The following CPNE4 variants were observed in gnomAD, a reference collection of about 807,000 sequenced individuals.
CPNE4 encodes the protein copine-4.
In CPNE4, 25 loss-of-function variants were observed where a neutral mutation model predicts 67.9. The ratio of observed to expected loss-of-function variants is 0.37; its 90% confidence interval spans 0.27 to 0.51. The LOEUF is 0.51. CPNE4 is among the 20% of genes least tolerant of loss of function. The probability of loss-of-function intolerance (pLI) is 0.93; values close to 1 mark genes in which losing one functional copy is unlikely to be tolerated. For synonymous variants in CPNE4, 242 were observed against 244.9 expected (o/e 0.99, Z 0.11); for missense variants, 464 against 690.8 (o/e 0.67, Z 3.68).
At chr3:131,541,634 T>G (rs913716504) in intron 15 of CPNE4, among the ~76,000 whole-genome samples, 4 of 151,834 alleles carry the variant, frequency 2.6e-5, no homozygotes, top group African/African-American at 9.7e-5. Context: ...CTTAGCAAAC[T>G]TATTCAGCAT....
Position 131,696,624 on chromosome 3 carries a change from A to G in CPNE4, c.433-8T>C. 1 of 1,613,392 alleles carries G rather than the reference A, an allele frequency of 6.2e-7. No homozygotes were observed. The highest frequency in any genetic ancestry group is 1.1e-5 in the South Asian group (1 of 91,052). ...TAATTCTTCAGCAATCACCTAAAGGAAAAAGCACACATCAGCTGCAATAGA... is the reference window on the plus strand; with the variant it reads ...TAATTCTTCAGCAATCACCTAAAGGGAAAAGCACACATCAGCTGCAATAGA... On this transcript the variant is annotated splice_polypyrimidine_tract_variant and splice_region_variant and intron_variant, in intron 4 of 15. Coordinates refer to ENST00000429747, the MANE Select transcript of CPNE4 (RefSeq NM_130808.3).
At chr3:132,028,810 G>C (rs2074173804) in intron 1 of CPNE4, among the ~76,000 whole-genome samples, 1 of 138,186 alleles carries the variant, frequency 7.2e-6, no homozygotes, top group Admixed American at 7.1e-5. Flanking sequence ...ATACATGCTA[G>C]ATTTCAAAGA....
intron 2 of CPNE4, among the ~76,000 whole-genome samples, chr3:131,873,992 C>T (rs1365736875): frequency 1.3e-5 from 2 of 152,150 alleles, no homozygotes; most frequent in East Asian, 3.9e-4. Context: ...AGTGTTTGTT[C>T]AATGTGGAAT....
intron 7 of CPNE4, among the ~76,000 whole-genome samples, chr3:131,656,656 G>T (rs543080878): frequency 2.6e-5 from 4 of 152,308 alleles, no homozygotes; most frequent in Non-Finnish European, 4.4e-5. Context: ...GAATTACATA[G>T]GCCAGTTCCT....
At chr3:131,660,449 T>C (rs1480252141) in intron 7 of CPNE4, among the ~76,000 whole-genome samples, 1 of 152,044 alleles carries the variant, frequency 6.6e-6, no homozygotes, top group Non-Finnish European at 1.5e-5. Context: ...GATACCAGAA[T>C]GGGAGGACTG....
chr3:131,717,979 C>T (rs1182728093), intron 3 of CPNE4, among the ~76,000 whole-genome samples: 3 of 143,492 alleles, frequency 2.1e-5, no homozygotes, highest in Non-Finnish European at 4.5e-5. Context: ...CTCTCTCTGT[C>T]TCTCTCTCTC....
chr3:132,038,867 G>A (rs2074374653), upstream of CPNE4, among the ~76,000 whole-genome samples: 1 of 152,112 alleles, frequency 6.6e-6, no homozygotes, highest in African/African-American at 2.4e-5. Context: ...ACATAATTTT[G>A]TGGAGGGTAG....
rs1935073846 is a variant in CPNE4, at chr3:131,535,314, G to A, written c.1555C>T (p.Leu519=). ...ACTTCAGCCAGCACGCTCTTTGCCA[G>A]GGCAGCTGGAGATGCCTGCAGGGAA... ...RNFKHASPAA[L]AKSVLAEVPN... is the part of the protein sequence containing the mutation. Residue 519 remains leucine, a synonymous_variant, in exon 16 of 16, where the codon CTG becomes TTG. Transcript: ENST00000429747. 2 of 1,613,264 alleles carry A rather than the reference G, an allele frequency of 1.2e-6. No homozygotes were observed. Among genetic ancestry groups the A allele is most frequent in the African/African-American group, 2.7e-5 (2 of 75,026 alleles).
chr3:132,017,695 C>T (rs1438556979), intron 1 of CPNE4: 1 of 152,274 alleles, frequency 6.6e-6, no homozygotes, highest in Non-Finnish European at 1.5e-5. Flanking sequence ...CATTTCAAGG[C>T]TCAGGGTGTA....
intron 2 of CPNE4, among the ~76,000 whole-genome samples, chr3:131,813,002 G>C (rs371896177): frequency 1.3e-5 from 2 of 152,254 alleles, no homozygotes; most frequent in South Asian, 2.1e-4. Flanking sequence ...AACTTATTCT[G>C]AGGTTAAAAT....
intron 2 of CPNE4, among the ~76,000 whole-genome samples, chr3:131,739,440 G>C (rs1013005771): frequency 6.6e-6 from 1 of 152,122 alleles, no homozygotes; most frequent in Admixed American, 6.6e-5. Flanking sequence ...GCTTCCCCCT[G>C]TGGCTGTGCT....
intron 6 of CPNE4, among the ~76,000 whole-genome samples, chr3:131,682,498 T>C (rs1264695548): frequency 1.3e-5 from 2 of 151,720 alleles, no homozygotes; most frequent in African/African-American, 4.8e-5. Context: ...ACCAATGGAG[T>C]CTGTCTGTAA....
intron 2 of CPNE4, among the ~76,000 whole-genome samples, chr3:131,856,847 C>A (rs1000042796): frequency 3.3e-5 from 5 of 151,952 alleles, no homozygotes; most frequent in Admixed American, 3.3e-4. Context: ...AAATTAAGCA[C>A]AGAAAACTTA....
At chr3:131,985,259 C>T (rs1460580302) in intron 1 of CPNE4, among the ~76,000 whole-genome samples, 1 of 152,220 alleles carries the variant, frequency 6.6e-6, no homozygotes, top group Non-Finnish European at 1.5e-5. Flanking sequence ...AATACCATCA[C>T]ATTGGGGATT....
At chr3:131,725,984 A>G (rs1252483079) in intron 2 of CPNE4, among the ~76,000 whole-genome samples, 1 of 152,222 alleles carries the variant, frequency 6.6e-6, no homozygotes, top group Non-Finnish European at 1.5e-5. Flanking sequence ...ATAATGAGCC[A>G]TATAAGAGAT....
At chr3:131,944,274 G>T (rs2071484888) in intron 1 of CPNE4, among the ~76,000 whole-genome samples, 1 of 151,790 alleles carries the variant, frequency 6.6e-6, no homozygotes, top group East Asian at 1.9e-4. Flanking sequence ...AGAGCAGTTT[G>T]GTGTCATCCC....
At position 131,542,735 on chromosome 3, in the gene CPNE4, C is replaced by T. The variant is rs753178143; in HGVS notation, c.1361G>A (p.Arg454Gln). The part of the protein sequence containing the change: ...DGVITDMADT[R>Q]EAIVHASHLP... ...GTGGGAGGCATGGACAATGGCCTCC[C>T]GGGTGTCGGCCATGTCTGTGATAAC... Residue 454 changes from arginine (R) to glutamine (Q), a missense_variant, in exon 15 of 16, where the codon CGG becomes CAG. Physicochemically the swap from Arg to Gln is conservative, Grantham distance 43. Coordinates refer to ENST00000429747, the MANE Select transcript of CPNE4 (RefSeq NM_130808.3). 9.3e-6 allele frequency: 15 copies of T among 1,613,866 alleles called. No homozygotes were observed. The Admixed American group carries it at 1.3e-4, about 14-fold the overall frequency.
At chr3:131,656,251 A>G (rs1440636328) in intron 7 of CPNE4, among the ~76,000 whole-genome samples, 1 of 152,148 alleles carries the variant, frequency 6.6e-6, no homozygotes, top group Non-Finnish European at 1.5e-5. Flanking sequence ...ACAAATGAGT[A>G]GCAATGGGAA....
intron 2 of CPNE4, among the ~76,000 whole-genome samples, chr3:131,799,919 T>G (rs895969322): frequency 9.6e-5 from 14 of 145,690 alleles, no homozygotes; most frequent in South Asian, 4.6e-4. Context: ...TGTGTGTGTG[T>G]TGTGTGTGTG....
Sources: gnomAD v4.1 joint callset for allele counts (sites outside exome capture counted in the v4.1 genomes callset) on GRCh38, gnomAD v4.1.1 for gene constraint, MANE v1.5 for transcripts, NCBI Gene and HGNC (gene_info 2026-07-23, HGNC 2026-07-21) for gene names.